Variants in COL28A1 observed in about 807,000 individuals in gnomAD.
The protein encoded by COL28A1 is collagen alpha-1(XXVIII) chain.
In COL28A1, 161 loss-of-function variants were observed where a neutral mutation model predicts 150.2. The observed-to-expected ratio is 1.07, with a 90% CI of 0.94 to 1.22. The LOEUF (loss-of-function observed/expected upper bound fraction) is 1.22, where lower values mean the gene tolerates loss of function less well. Among genes scored for constraint, COL28A1 ranks in the 50% most tolerant of loss-of-function variants. COL28A1 has a pLI of 0.00. For missense variants in COL28A1, 1,617 were observed against 1,388.3 expected (o/e 1.16, Z -2.62); for synonymous variants, 552 against 469.7 (o/e 1.18, Z -2.26).
intron 27 of COL28A1, among the ~76,000 whole-genome samples, chr7:7,407,990 G>C (rs146352029): frequency 2.0e-5 from 3 of 152,164 alleles, no homozygotes; most frequent in South Asian, 2.1e-4. Context: ...GGGTCCTAAC[G>C]AAGTCATCAC....
rs111432762 is a variant in COL28A1 at position 7,501,777 on chromosome 7, T to C, written c.1026+4237A>G. The stretch of plus-strand genomic sequence containing the variant: ...CAGCGTTGGGTTTTTAGGGGTTCAG[T>C]CTTTCCTCAGAGCATAGCGCTGTCT... On this transcript the variant is annotated intron_variant, in intron 11 of 34. Coordinates refer to ENST00000399429, the MANE Select transcript of COL28A1 (RefSeq NM_001037763.3). Among the ~76,000 whole-genome samples, 3 of 152,144 alleles carry C rather than the reference T, an allele frequency of 2.0e-5. No homozygotes were observed. In the East Asian group the frequency reaches 5.8e-4, roughly 29 times the overall value.
At chr7:7,402,758 T>C (rs1583298126) in intron 27 of COL28A1, among the ~76,000 whole-genome samples, 1 of 152,210 alleles carries the variant, frequency 6.6e-6, no homozygotes, top group Admixed American at 6.5e-5. Context: ...GGATGGAGAC[T>C]TCATAGAATC....
chr7:7,389,713 A>C (rs1038663393), intron 27 of COL28A1, among the ~76,000 whole-genome samples: 1 of 152,098 alleles, frequency 6.6e-6, no homozygotes, highest in African/African-American at 2.4e-5. Context: ...GGTCCTTTAC[A>C]TCCCTTGTAA....
intron 12 of COL28A1, among the ~76,000 whole-genome samples, chr7:7,490,013 T>A (rs538263190): frequency 6.6e-6 from 1 of 152,242 alleles, no homozygotes; most frequent in Non-Finnish European, 1.5e-5. Context: ...TGCTTGCTAT[T>A]TTAATCCTGC....
intron 27 of COL28A1, among the ~76,000 whole-genome samples, chr7:7,393,583 G>A (rs774457604): frequency 1.4e-5 from 2 of 147,692 alleles, no homozygotes; most frequent in African/African-American, 2.5e-5. Context: ...TGCTCTGTCC[G>A]AGGGAGACGG....
intron 3 of COL28A1, among the ~76,000 whole-genome samples, chr7:7,530,136 G>T (rs866880022): frequency 3.9e-5 from 6 of 152,116 alleles, no homozygotes; most frequent in Admixed American, 6.5e-5. Flanking sequence ...CCTTTATAGG[G>T]TTAAGCATGC....
chr7:7,383,691 T>TATATATAC (rs1266224662), intron 27 of COL28A1, among the ~76,000 whole-genome samples: 1 of 138,718 alleles, frequency 7.2e-6, no homozygotes, highest in Non-Finnish European at 1.5e-5. Context: ...TGTATATATA[T>TATATATAC]ATATATATAT....
upstream of COL28A1, among the ~76,000 whole-genome samples, chr7:7,539,973 A>C (rs1782756677): frequency 6.6e-6 from 1 of 152,190 alleles, no homozygotes; most frequent in Non-Finnish European, 1.5e-5. Context: ...CAATCTTATG[A>C]CTATTAATCT....
chr7:7,429,079 A>T (rs1784795621), intron 25 of COL28A1, among the ~76,000 whole-genome samples: 1 of 152,230 alleles, frequency 6.6e-6, no homozygotes, highest in Admixed American at 6.5e-5. Flanking sequence ...CCATAAATTC[A>T]TCGTCAACCT....
intron 33 of COL28A1, among the ~76,000 whole-genome samples, chr7:7,366,485 A>G (rs1371768506): frequency 2.0e-5 from 3 of 152,188 alleles, no homozygotes; most frequent in African/African-American, 2.4e-5. Flanking sequence ...TTCCTCTTCC[A>G]TAACACAGGT....
rs1784302289 is a variant in COL28A1, at chr7:7,419,930, AG to A, written c.2021del (p.Pro674LeufsTer10). 6.2e-7 allele frequency: 1 copy of A among 1,602,286 alleles called. No homozygotes were observed. The highest frequency in any genetic ancestry group is 8.5e-7 in the Non-Finnish European group (1 of 1,174,802). Reference protein sequence around the residue: ...GAKGEPGVRGPPGPSGPRGVG... With the variant: ...GAKGEPGVRGXPGPSGPRGVG... ...CGCCCCGAGGCCCAGAAGGACCTGG[AG>A]GGCCTCTGACCCCAGGCTCTCCCTG... On this transcript the variant is annotated frameshift_variant, in exon 26 of 35. Transcript: ENST00000399429. LOFTEE classifies it high-confidence loss of function.
At chr7:7,451,643 T>C (rs1786699992) in intron 18 of COL28A1, among the ~76,000 whole-genome samples, 1 of 152,184 alleles carries the variant, frequency 6.6e-6, no homozygotes, top group Admixed American at 6.5e-5. Flanking sequence ...CTCTCTGCAA[T>C]TGACATATAT....
intron 18 of COL28A1, 141 bp from the exon 19 acceptor site, chr7:7,444,630 G>A (rs976121710): frequency 7.7e-6 from 6 of 774,270 alleles, no homozygotes; most frequent in Non-Finnish European, 1.2e-5. Flanking sequence ...TTTGATCTTG[G>A]GAAGCTACTT....
chr7:7,451,001 T>C (rs1786648797), intron 18 of COL28A1, among the ~76,000 whole-genome samples: 2 of 152,166 alleles, frequency 1.3e-5, no homozygotes, highest in East Asian at 3.9e-4. Context: ...TATAAAAACT[T>C]CAAAAGAATG....
chr7:7,496,299 A>G (rs941091273), intron 11 of COL28A1, among the ~76,000 whole-genome samples: 5 of 152,144 alleles, frequency 3.3e-5, no homozygotes, highest in Non-Finnish European at 7.3e-5. Context: ...CATTACTATA[A>G]TTCACTCAAT....
chr7:7,345,190 C>T, the COL28A1 span, among the ~76,000 whole-genome samples: 2,150 of 151,836 alleles, frequency 0.014, 48 homozygotes, highest in African/African-American at 0.049. Context: ...TGTGAGAAAT[C>T]AGAAAATGGA....
At chr7:7,438,572 G>A (rs1037713098) in intron 21 of COL28A1, among the ~76,000 whole-genome samples, 7 of 152,172 alleles carry the variant, frequency 4.6e-5, no homozygotes, top group African/African-American at 9.7e-5. Flanking sequence ...AATTGTCACC[G>A]CACACCGCAA....
At chr7:7,525,367 A>C (rs1781966196) in intron 3 of COL28A1, among the ~76,000 whole-genome samples, 2 of 152,198 alleles carry the variant, frequency 1.3e-5, no homozygotes, top group African/African-American at 2.4e-5. Flanking sequence ...TCACTACCAT[A>C]CTTGAATTCA....
chr7:7,432,607 G>C, intron 24 of COL28A1, 25 bp downstream of exon 24: 3 of 1,613,156 alleles, frequency 1.9e-6, no homozygotes, highest in Non-Finnish European at 2.5e-6. Flanking sequence ...AAAGGAGGGA[G>C]GGAAGAAAAA....
Sources: allele counts gnomAD v4.1 joint callset (sites outside exome capture counted in the v4.1 genomes callset), GRCh38; gene constraint gnomAD v4.1.1; transcripts MANE v1.5; gene names NCBI Gene and HGNC (gene_info 2026-07-23, HGNC 2026-07-21).